GRM8: variants seen among roughly 807,000 people sequenced by gnomAD.
The protein encoded by GRM8 is metabotropic glutamate receptor 8.
A neutral mutation model predicts 87.2 loss-of-function variants in GRM8; 47 were observed. That is an observed-to-expected ratio of 0.54 (90% CI 0.43 to 0.69). The LOEUF (loss-of-function observed/expected upper bound fraction) is 0.69, where lower values mean the gene tolerates loss of function less well. Among genes scored for constraint, GRM8 ranks in the 30% least tolerant of loss-of-function variants. The pLI, the probability that GRM8 is intolerant of heterozygous loss-of-function variation, is 0.00. For synonymous variants in GRM8, 396 were observed against 404.5 expected, an observed-to-expected ratio of 0.98 and a Z score of 0.25; for missense variants, 1,019 against 1,139.2, an observed-to-expected ratio of 0.89 and a Z score of 1.52.
At chr7:127,107,658 G>T (rs1190062053) in intron 2 of GRM8, among the ~76,000 whole-genome samples, 1 of 152,138 alleles carries the variant, frequency 6.6e-6, no homozygotes, top group Non-Finnish European at 1.5e-5. Flanking sequence ...GCTCAAAGAG[G>T]ATGTCGGAGT....
chr7:126,458,223 A>G (rs893864991), intron 9 of GRM8, among the ~76,000 whole-genome samples: 3 of 151,188 alleles, frequency 2.0e-5, no homozygotes, highest in African/African-American at 7.3e-5. Context: ...ATAAATCATT[A>G]ATTTTCATTA....
chr7:126,653,858 A>C (rs1475333988), intron 7 of GRM8, among the ~76,000 whole-genome samples: 2 of 152,228 alleles, frequency 1.3e-5, no homozygotes, highest in African/African-American at 4.8e-5. Context: ...GGTAATATGC[A>C]TTGTGGGGAA....
Position 127,151,247 on chromosome 7 carries a change from GC to G in GRM8, c.511-44536del, listed in dbSNP as rs369343089. On this transcript the variant is annotated intron_variant, in intron 2 of 10. Coordinates refer to ENST00000339582, the MANE Select transcript of GRM8 (RefSeq NM_000845.3). ...TTATGCTATTCCAGATCCTTCTCCA[GC>G]CTTGACCTCCATAGAGAAAATCACA... Among the ~76,000 whole-genome samples the G allele has an allele frequency of 3.0e-3, 456 of 152,004 alleles. 2 individuals are homozygous for G. Among genetic ancestry groups the G allele is most frequent in the African/African-American group, 0.011 (441 of 41,486 alleles).
At chr7:126,640,749 C>A (rs1802293787) in intron 7 of GRM8, among the ~76,000 whole-genome samples, 1 of 152,048 alleles carries the variant, frequency 6.6e-6, no homozygotes, top group African/African-American at 2.4e-5. Context: ...CCCCTCCTAC[C>A]CAATCTTCCT....
chr7:126,835,104 A>G (rs1795726583), intron 6 of GRM8, among the ~76,000 whole-genome samples: 2 of 151,674 alleles, frequency 1.3e-5, no homozygotes, highest in Admixed American at 1.3e-4. Context: ...AAAAGAAAAG[A>G]AAAGAAAAAT....
intron 3 of GRM8, among the ~76,000 whole-genome samples, chr7:127,019,940 C>T (rs762994566): frequency 1.3e-5 from 2 of 151,998 alleles, no homozygotes; most frequent in Non-Finnish European, 2.9e-5. Flanking sequence ...TCTCTTTTGC[C>T]CTTTCTCTAC....
intron 2 of GRM8, among the ~76,000 whole-genome samples, chr7:127,242,161 TATA>T (rs1164066770): frequency 1.3e-5 from 2 of 152,202 alleles, no homozygotes; most frequent in Admixed American, 1.3e-4. Flanking sequence ...CTATTGTAGT[TATA>T]ATAAGCCTGA....
intron 8 of GRM8, among the ~76,000 whole-genome samples, chr7:126,570,062 C>T (rs1181092393): frequency 6.6e-6 from 1 of 152,218 alleles, no homozygotes; most frequent in East Asian, 1.9e-4. Flanking sequence ...TAACTCTTCC[C>T]TGGCTCCAGA....
intron 6 of GRM8, among the ~76,000 whole-genome samples, chr7:126,793,385 A>G (rs1211721401): frequency 1.3e-5 from 2 of 152,152 alleles, no homozygotes; most frequent in Non-Finnish European, 2.9e-5. Context: ...GCACTTCCAG[A>G]CTTATCAGCA....
intron 2 of GRM8, among the ~76,000 whole-genome samples, chr7:127,172,706 C>G (rs1250858622): frequency 9.1e-6 from 1 of 109,370 alleles, no homozygotes; most frequent in Non-Finnish European, 1.9e-5. Flanking sequence ...GAGACTCCGT[C>G]TCAAAAAAAA....
intron 8 of GRM8, among the ~76,000 whole-genome samples, chr7:126,575,226 C>A (rs1328985066): frequency 6.7e-6 from 1 of 150,190 alleles, no homozygotes; most frequent in Non-Finnish European, 1.5e-5. Flanking sequence ...GGAGTGTGAG[C>A]CCTATTGTGA....
intron 8 of GRM8, among the ~76,000 whole-genome samples, chr7:126,578,870 A>G (rs888555013): frequency 6.6e-6 from 1 of 152,110 alleles, no homozygotes; most frequent in African/African-American, 2.4e-5. Flanking sequence ...AAAAAGACCT[A>G]TTTTTCTCTT....
At chr7:126,998,844 A>G (rs1586712677) in intron 3 of GRM8, among the ~76,000 whole-genome samples, 1 of 152,072 alleles carries the variant, frequency 6.6e-6, no homozygotes, top group African/African-American at 2.4e-5. Context: ...AAAGCAATCT[A>G]CAGATTCAAT....
At chr7:126,606,453 T>C (rs976226184) in intron 8 of GRM8, among the ~76,000 whole-genome samples, 1 of 152,174 alleles carries the variant, frequency 6.6e-6, no homozygotes, top group South Asian at 2.1e-4. Flanking sequence ...ATTTTAGACA[T>C]GATAAAACTG....
intron 3 of GRM8, among the ~76,000 whole-genome samples, chr7:126,969,040 T>C (rs1366151027): frequency 1.3e-5 from 2 of 152,218 alleles, no homozygotes; most frequent in South Asian, 4.1e-4. Flanking sequence ...CCACTGAGTA[T>C]GCAACAGCAC....
chr7:127,163,213 C>T (rs1793227209), intron 2 of GRM8, among the ~76,000 whole-genome samples: 1 of 152,170 alleles, frequency 6.6e-6, no homozygotes, highest in South Asian at 2.1e-4. Context: ...GCATCTGTTT[C>T]TGGTGAGGCC....
intron 2 of GRM8, among the ~76,000 whole-genome samples, chr7:127,225,414 G>C (rs757764192): frequency 6.6e-6 from 1 of 152,088 alleles, no homozygotes; most frequent in Non-Finnish European, 1.5e-5. Flanking sequence ...TCCCTCCTGG[G>C]GGAGAACAGT....
intron 2 of GRM8, among the ~76,000 whole-genome samples, chr7:127,147,090 A>G (rs1376073041): frequency 6.6e-6 from 1 of 152,080 alleles, no homozygotes; most frequent in African/African-American, 2.4e-5. Context: ...TTTAACTGCA[A>G]ATATGCAATT....
intron 7 of GRM8, among the ~76,000 whole-genome samples, chr7:126,637,470 T>A (rs965957824): frequency 1.2e-4 from 18 of 151,856 alleles, no homozygotes; most frequent in African/African-American, 4.1e-4. Flanking sequence ...TACTGTAATT[T>A]AAAAAAAAGA....
Sources: allele counts gnomAD v4.1 joint callset (sites outside exome capture counted in the v4.1 genomes callset), GRCh38; gene constraint gnomAD v4.1.1; transcripts MANE v1.5; gene names NCBI Gene and HGNC (gene_info 2026-07-23, HGNC 2026-07-21).